The following TAFA2 variants were observed in gnomAD, a reference collection of about 807,000 sequenced individuals.
The protein encoded by TAFA2 is chemokine-like protein TAFA-2.
TAFA2 carries 7 observed loss-of-function variants against 18.8 expected under a neutral mutation model. The ratio of observed to expected loss-of-function variants is 0.37; its 90% CI spans 0.21 to 0.70. The LOEUF is 0.70. Among genes scored for constraint, TAFA2 ranks in the 30% least tolerant of loss-of-function variants. The probability of loss-of-function intolerance (pLI) is 0.53; values close to 1 mark genes in which losing one functional copy is unlikely to be tolerated. For missense variants in TAFA2, 122 were observed against 158.1 expected (o/e 0.77, Z 1.23); for synonymous variants, 60 against 54.2 (o/e 1.11, Z -0.47).
intron 2 of TAFA2, among the ~76,000 whole-genome samples, chr12:61,779,095 A>G (rs1870395690): frequency 6.6e-6 from 1 of 151,894 alleles, no homozygotes; most frequent in African/African-American, 2.4e-5. Flanking sequence ...AACCACATTT[A>G]TCATCATAAT....
At chr12:62,090,343 C>A (rs1868656721) in intron 1 of TAFA2, among the ~76,000 whole-genome samples, 1 of 151,986 alleles carries the variant, frequency 6.6e-6, no homozygotes, top group East Asian at 1.9e-4. Context: ...ATTTACACAT[C>A]CATAATCTAA....
chr12:62,007,696 A>G (rs191049525), intron 1 of TAFA2, among the ~76,000 whole-genome samples: 1 of 152,204 alleles, frequency 6.6e-6, no homozygotes, highest in Non-Finnish European at 1.5e-5. Flanking sequence ...TACTTTTTTT[A>G]AAGTTTTACT....
At chr12:61,772,563 C>A (rs752796042) in intron 2 of TAFA2, among the ~76,000 whole-genome samples, 1 of 151,850 alleles carries the variant, frequency 6.6e-6, no homozygotes, top group Non-Finnish European at 1.5e-5. Context: ...TTAACATATG[C>A]AAGTCAATAA....
At chr12:61,931,722 C>T (rs978763173) in intron 1 of TAFA2, among the ~76,000 whole-genome samples, 1 of 152,142 alleles carries the variant, frequency 6.6e-6, no homozygotes, top group African/African-American at 2.4e-5. Context: ...TGTAATGTTA[C>T]AAAGGCTTCT....
intron 2 of TAFA2, among the ~76,000 whole-genome samples, chr12:61,782,439 G>A (rs564002647): frequency 3.4e-4 from 51 of 151,696 alleles, no homozygotes; most frequent in African/African-American, 1.1e-3. Context: ...CTTTGAATCT[G>A]CCCATGACTT....
At chr12:61,988,979 T>C (rs1424629682) in intron 1 of TAFA2, among the ~76,000 whole-genome samples, 1 of 152,210 alleles carries the variant, frequency 6.6e-6, no homozygotes, top group South Asian at 2.1e-4. Context: ...AATTTTGTTT[T>C]ACCAAAAATG....
intron 1 of TAFA2, among the ~76,000 whole-genome samples, chr12:62,225,117 T>G (rs1189698546): frequency 6.6e-6 from 1 of 151,178 alleles, no homozygotes; most frequent in African/African-American, 2.4e-5. Context: ...AAAAAAAAAG[T>G]TGGTGGGGAT....
In TAFA2 at chr12:62,025,296, A is replaced by G. The variant is rs906900071; in HGVS notation, c.-1-157870T>C. Among the ~76,000 whole-genome samples, 3 of 152,096 alleles carry G rather than the reference A, an allele frequency of 2.0e-5. No individual in the cohort carries two copies. In the East Asian group the frequency reaches 5.8e-4, roughly 29 times the overall value. On this transcript the variant is annotated intron_variant, in intron 1 of 4. Transcript: ENST00000416284. Reference sequence around the variant, plus strand: ...GGAAACAAGGGCTGAAAAACTAACTATTGGGTACTATGCTCAGTACCTGGG... The same window carrying G: ...GGAAACAAGGGCTGAAAAACTAACTGTTGGGTACTATGCTCAGTACCTGGG...
intron 1 of TAFA2, among the ~76,000 whole-genome samples, chr12:62,232,352 C>T (rs2062815253): frequency 6.6e-6 from 1 of 152,200 alleles, no homozygotes; most frequent in Non-Finnish European, 1.5e-5. Context: ...CTAATCTCCA[C>T]ATTGCAGCCA....
At position 62,110,774 on chromosome 12, in the gene TAFA2, A is replaced by G. The variant is rs1869694087; in HGVS notation, c.-2+80485T>C. Among the ~76,000 whole-genome samples, 3 of 151,814 alleles carry G rather than the reference A, an allele frequency of 2.0e-5. 1 individual carries two copies. Among genetic ancestry groups the G allele is most frequent in the Admixed American group, 2.0e-4 (3 of 15,242 alleles). On this transcript the variant is annotated intron_variant, in intron 1 of 4. Transcript: ENST00000416284. ...TTCTTCTAGATTTTCAAGTTTCTATACATAGAGGTGTTTATAGTATTCTCT... is the reference window on the plus strand; with the variant it reads ...TTCTTCTAGATTTTCAAGTTTCTATGCATAGAGGTGTTTATAGTATTCTCT...
At chr12:61,713,589 A>C (rs1225602617) in intron 4 of TAFA2, among the ~76,000 whole-genome samples, 2 of 152,184 alleles carry the variant, frequency 1.3e-5, no homozygotes, top group African/African-American at 2.4e-5. Context: ...TGCACTAAAC[A>C]AGATGGGAAA....
chr12:61,940,239 AC>A (rs1201819190), intron 1 of TAFA2, among the ~76,000 whole-genome samples: 4 of 152,176 alleles, frequency 2.6e-5, no homozygotes, highest in African/African-American at 9.7e-5. Flanking sequence ...AAGCCCAGAC[AC>A]CCAGTGCTTG....
chr12:62,076,543 C>T (rs1868249537), intron 1 of TAFA2, among the ~76,000 whole-genome samples: 1 of 152,172 alleles, frequency 6.6e-6, no homozygotes, highest in Non-Finnish European at 1.5e-5. Flanking sequence ...GTTCTCCTCA[C>T]TACTCTTCCA....
chr12:61,930,190 G>C (rs1877498369), intron 1 of TAFA2, among the ~76,000 whole-genome samples: 1 of 151,962 alleles, frequency 6.6e-6, no homozygotes, highest in Non-Finnish European at 1.5e-5. Context: ...AACGGGAAGA[G>C]AAGGGCAATT....
intron 2 of TAFA2, among the ~76,000 whole-genome samples, chr12:61,769,492 C>T (rs1016253526): frequency 6.6e-6 from 1 of 152,060 alleles, no homozygotes; most frequent in Non-Finnish European, 1.5e-5. Flanking sequence ...CCACTTTACT[C>T]CCCTGCTACT....
At chr12:61,785,404 T>TA (rs888097419) in intron 2 of TAFA2, among the ~76,000 whole-genome samples, 1 of 150,872 alleles carries the variant, frequency 6.6e-6, no homozygotes, top group African/African-American at 2.4e-5. Flanking sequence ...CATCCATTGT[T>TA]AGACACCTAA....
rs367964151 is a variant in TAFA2, at chr12:62,241,201, C to T, written c.-130+17562G>A. Among the ~76,000 whole-genome samples, 4 of 152,164 alleles carry T rather than the reference C, an allele frequency of 2.6e-5. No individual in the cohort carries two copies. The East Asian group carries it at 7.7e-4, about 29-fold the overall frequency. ...CCTTTGCAGCACATGAGGAGAGTTG[C>T]AGACCCAGAATCAAGGGTAGTTAAG... is the stretch of plus-strand genomic sequence containing the variant. On this transcript the variant is annotated intron_variant, in intron 1 of 5. Transcript: ENST00000551619.
At chr12:61,840,725 C>A (rs545230563) in intron 2 of TAFA2, among the ~76,000 whole-genome samples, 1 of 151,966 alleles carries the variant, frequency 6.6e-6, no homozygotes, top group Non-Finnish European at 1.5e-5. Flanking sequence ...AAAGGAACAA[C>A]GAAAACAATG....
At chr12:61,911,486 A>G (rs1257620245) in intron 1 of TAFA2, among the ~76,000 whole-genome samples, 2 of 152,182 alleles carry the variant, frequency 1.3e-5, no homozygotes, top group African/African-American at 4.8e-5. Context: ...AACTCACACA[A>G]AACTTTAAAT....
Sources: allele counts gnomAD v4.1 joint callset (sites outside exome capture counted in the v4.1 genomes callset), GRCh38; gene constraint gnomAD v4.1.1; transcripts MANE v1.5; gene names NCBI Gene and HGNC (gene_info 2026-07-23, HGNC 2026-07-21).